Variants in SPINK4 observed in about 807,000 individuals in gnomAD.
SPINK4 encodes serine protease inhibitor Kazal-type 4.
Under a neutral mutation model 12.3 loss-of-function variants are expected in SPINK4, and 10 were observed. The ratio of observed to expected loss-of-function variants is 0.81; its 90% confidence interval spans 0.50 to 1.37. SPINK4 has a LOEUF of 1.37. Ranked by LOEUF, SPINK4 falls within the 40% of genes most tolerant of loss-of-function variation. The pLI is 0.00. For missense variants in SPINK4, 91 were observed against 109.0 expected (o/e 0.84, Z 0.73); for synonymous variants, 37 against 40.2 (o/e 0.92, Z 0.30).
intron 1 of SPINK4, 133 bp downstream of exon 1, chr9:33,240,402 C>A: frequency 1.4e-6 from 1 of 727,222 alleles, no homozygotes; most frequent in South Asian, 2.3e-5. Flanking sequence ...CATATGCACC[C>A]TCCACTGTGC....
In SPINK4 at chr9:33,248,535, T is replaced by A. The variant is rs1820308740; in HGVS notation, c.*64T>A. ...AGAACAGTGGTGGGCATGGAGAGGATATGACATGAAATAAAAGATCCAGCC... is the reference window on the plus strand; with the variant it reads ...AGAACAGTGGTGGGCATGGAGAGGAAATGACATGAAATAAAAGATCCAGCC... On this transcript the variant is annotated 3_prime_UTR_variant, in exon 4 of 4. Transcript: ENST00000379721. The A allele has an allele frequency of 1.9e-6, 3 of 1,589,382 alleles. No homozygotes were observed. The East Asian group carries it at 6.7e-5, about 35-fold the overall frequency.
chr9:33,246,361 C>A (rs1820284914), intron 2 of SPINK4, among the ~76,000 whole-genome samples: 1 of 152,172 alleles, frequency 6.6e-6, no homozygotes, highest in Non-Finnish European at 1.5e-5. Context: ...AATGCCTGCA[C>A]ACCGGGGGCT....
intron 2 of SPINK4, 109 bp downstream of exon 2, chr9:33,245,261 T>A: frequency 7.9e-7 from 1 of 1,261,278 alleles, no homozygotes; most frequent in East Asian, 2.5e-5. Context: ...ACACCTTCAA[T>A]GGCTCCAAGG....
Position 33,246,643 on chromosome 9 carries a change from C to T in SPINK4, c.130C>T (p.Pro44Ser), listed in dbSNP as rs766479871. The T allele has an allele frequency of 3.7e-6, 6 of 1,613,906 alleles. No homozygotes were observed. The highest frequency in any genetic ancestry group is 4.2e-6 in the Non-Finnish European group (5 of 1,180,002). The change falls in exon 3 of 4, where the codon CCA becomes TCA. Residue 44 changes from proline (P) to serine (S), a missense_variant. By Grantham distance (74) the Pro-to-Ser change is moderately conservative. Coordinates refer to ENST00000379721, the MANE Select transcript of SPINK4 (RefSeq NM_014471.3). ...CATCTGTGAACACATGGTAGAGTCT[C>T]CAACCTGTTCCCAGATGTCCAACCT... ...MPICEHMVES[P>S]TCSQMSNLVC...
chr9:33,241,955 C>G (rs1435333658), intron 1 of SPINK4, among the ~76,000 whole-genome samples: 1 of 152,112 alleles, frequency 6.6e-6, no homozygotes, highest in East Asian at 1.9e-4. Flanking sequence ...TCTTGGCTCA[C>G]TGCAACCTCT....
intron 1 of SPINK4, among the ~76,000 whole-genome samples, chr9:33,243,775 G>C (rs1014060756): frequency 3.9e-5 from 6 of 152,050 alleles, no homozygotes; most frequent in Non-Finnish European, 5.9e-5. Flanking sequence ...CCAATGCCAG[G>C]CTTAAACAGC....
rs764205609 is a variant in SPINK4 at position 33,240,230 on chromosome 9, A to G, written c.22A>G (p.Ile8Val). The G allele has an allele frequency of 7.5e-6, 12 of 1,606,726 alleles. No homozygotes were observed. The highest frequency in any genetic ancestry group is 1.0e-5 in the Non-Finnish European group (12 of 1,176,748). The part of the protein sequence containing the change: MAVRQWV[I>V]ALALAALLVV... ...CAGCATGGCCGTCCGCCAGTGGGTA[A>G]TCGCCCTGGCCTTGGCTGCCCTCCT... The change falls in exon 1 of 4, where the codon ATC becomes GTC. Residue 8 changes from isoleucine (I) to valine (V), a missense_variant. Transcript: ENST00000379721.
rs1198433414 is a variant in SPINK4 at position 33,246,751 on chromosome 9, G to A, written c.215+23G>A. On this transcript the variant is annotated intron_variant, in intron 3 of 3. Transcript: ENST00000379721. ...GATGTAAGTCTGCCCCACAACCCCT[G>A]CTTGCTTGGGTGGGCCCCATCTCTG... 3 of 1,608,572 alleles carry A rather than the reference G, an allele frequency of 1.9e-6. No homozygotes were observed. The Admixed American group carries it at 5.0e-5, about 27-fold the overall frequency.
intron 1 of SPINK4, among the ~76,000 whole-genome samples, chr9:33,242,964 C>T (rs1362537660): frequency 1.3e-5 from 2 of 151,790 alleles, no homozygotes; most frequent in Non-Finnish European, 2.9e-5. Flanking sequence ...CAGCTTCAAC[C>T]TCCTGGATTC....
chr9:33,247,016 C>T (rs1232729280), intron 3 of SPINK4, among the ~76,000 whole-genome samples: 1 of 152,020 alleles, frequency 6.6e-6, no homozygotes, highest in African/African-American at 2.4e-5. Flanking sequence ...TTCGTCTAGC[C>T]AGCAATTATT....
intron 3 of SPINK4, among the ~76,000 whole-genome samples, chr9:33,247,370 G>C (rs1422417608): frequency 6.7e-6 from 1 of 148,948 alleles, no homozygotes; most frequent in Non-Finnish European, 1.5e-5. Context: ...GTTTCACCAT[G>C]TTGGCCAGGC....
chr9:33,242,266 G>A (rs1183699844), intron 1 of SPINK4, among the ~76,000 whole-genome samples: 2 of 152,206 alleles, frequency 1.3e-5, no homozygotes, highest in Non-Finnish European at 2.9e-5. Flanking sequence ...GCATAGGGAG[G>A]CGGGGTGACC....
At chr9:33,246,837 A>G in intron 3 of SPINK4, 109 bp downstream of exon 3, 1 of 880,420 alleles carries the variant, frequency 1.1e-6, no homozygotes, top group Admixed American at 2.0e-5. Flanking sequence ...GCTTGACCTG[A>G]GAAGAGTCCT....
At chr9:33,247,005 A>C (rs543378289) in intron 3 of SPINK4, among the ~76,000 whole-genome samples, 2 of 152,038 alleles carry the variant, frequency 1.3e-5, no homozygotes, top group East Asian at 3.9e-4. Flanking sequence ...CTGTTTTTTC[A>C]TTCGTCTAGC....
chr9:33,245,250 G>C (rs1820274065), intron 2 of SPINK4, 98 bp downstream of exon 2: 5 of 1,338,690 alleles, frequency 3.7e-6, no homozygotes, highest in Non-Finnish European at 5.1e-6. Flanking sequence ...ATCCTGCTCA[G>C]ACACCTTCAA....
intron 2 of SPINK4, 56 bp downstream of exon 2, chr9:33,245,208 C>A: frequency 6.4e-7 from 1 of 1,560,928 alleles, no homozygotes; most frequent in Non-Finnish European, 8.7e-7. Flanking sequence ...GTCCTCTCGT[C>A]CATGCTGAGA....
intron 1 of SPINK4, among the ~76,000 whole-genome samples, chr9:33,241,228 T>C (rs908149676): frequency 6.6e-6 from 1 of 151,988 alleles, no homozygotes; most frequent in African/African-American, 2.4e-5. Context: ...GAGGGGACAT[T>C]GTACGGAGTG....
intron 1 of SPINK4, 121 bp from the exon 2 acceptor site, chr9:33,244,991 T>C (rs1820271750): frequency 1.1e-6 from 1 of 896,340 alleles, no homozygotes; most frequent in Non-Finnish European, 1.7e-6. Context: ...TCACCTTTCC[T>C]TGAGGAATTC....
At chr9:33,246,556 C>T in intron 2 of SPINK4, 60 bp from the exon 3 acceptor site, 1 of 1,469,974 alleles carries the variant, frequency 6.8e-7, no homozygotes, top group Non-Finnish European at 9.5e-7. Flanking sequence ...AGCAGAACCC[C>T]TGTATCCCTC....
Sources: gnomAD v4.1 joint callset for allele counts (sites outside exome capture counted in the v4.1 genomes callset) on GRCh38, gnomAD v4.1.1 for gene constraint, MANE v1.5 for transcripts, NCBI Gene and HGNC (gene_info 2026-07-23, HGNC 2026-07-21) for gene names.